Variants in MINDY4 observed in about 807,000 individuals in gnomAD.
The protein encoded by MINDY4 is probable ubiquitin carboxyl-terminal hydrolase MINDY-4.
Under a neutral mutation model 87.0 loss-of-function variants are expected in MINDY4, and 68 were observed. The observed-to-expected ratio is 0.78, with a 90% CI of 0.64 to 0.96. The LOEUF (loss-of-function observed/expected upper bound fraction) is 0.96, where lower values mean the gene tolerates loss of function less well. Among genes scored for constraint, MINDY4 ranks in the 40% least tolerant of loss-of-function variants. The probability of loss-of-function intolerance (pLI) is 0.00; values close to 1 mark genes in which losing one functional copy is unlikely to be tolerated. For missense variants in MINDY4, 919 were observed against 928.2 expected, an observed-to-expected ratio of 0.99 and a Z score of 0.13; for synonymous variants, 379 against 363.2, an observed-to-expected ratio of 1.04 and a Z score of -0.50.
At chr7:30,810,153 C>T (rs150246045) in intron 5 of MINDY4, among the ~76,000 whole-genome samples, 104 of 113,878 alleles carry the variant, frequency 9.1e-4, no homozygotes, top group East Asian at 2.5e-3. Flanking sequence ...CCAGCCTGGG[C>T]GACAGAGCAA....
intron 5 of MINDY4, among the ~76,000 whole-genome samples, chr7:30,807,533 A>G (rs1235279249): frequency 6.6e-6 from 1 of 152,106 alleles, no homozygotes; most frequent in Admixed American, 6.5e-5. Flanking sequence ...GGTCTAAGGG[A>G]GGAGACCACC....
At chr7:30,796,103 G>C (rs1489375937) in intron 5 of MINDY4, among the ~76,000 whole-genome samples, 1 of 145,818 alleles carries the variant, frequency 6.9e-6, no homozygotes, top group Admixed American at 6.8e-5. Flanking sequence ...GAGGGCAGCT[G>C]TTTGTTGGAG....
At chr7:30,784,568 G>A (rs562321666) in intron 3 of MINDY4, among the ~76,000 whole-genome samples, 6 of 152,318 alleles carry the variant, frequency 3.9e-5, no homozygotes, top group East Asian at 1.9e-4. Context: ...GGCTTCAGAC[G>A]TTCCCTGCAG....
At position 30,834,757 on chromosome 7, in the gene MINDY4, A is replaced by G. The variant is rs1000333595; in HGVS notation, c.1133-1901A>G. 3.9e-5 allele frequency among the ~76,000 whole-genome samples: 6 copies of G among 152,314 alleles called. No individual in the cohort carries two copies. In the East Asian group the frequency reaches 1.2e-3, roughly 29 times the overall value. ...TCGCCTCTTGAATGCTTTGCTGCTT[A>G]GAAATTTCTTCCACCAGATACCCTA... is the stretch of plus-strand genomic sequence containing the variant. On this transcript the variant is annotated intron_variant, in intron 6 of 17. Coordinates refer to ENST00000265299, the MANE Select transcript of MINDY4 (RefSeq NM_032222.3).
intron 15 of MINDY4, among the ~76,000 whole-genome samples, chr7:30,878,867 C>G (rs1156887043): frequency 6.6e-6 from 1 of 152,194 alleles, no homozygotes; most frequent in African/African-American, 2.4e-5. Flanking sequence ...TGTGCCTCCC[C>G]CTGAAGTTGT....
chr7:30,839,145 T>C (rs777902707), intron 7 of MINDY4, 55 bp from the exon 8 acceptor site: 1 of 1,194,844 alleles, frequency 8.4e-7, no homozygotes, highest in Non-Finnish European at 1.2e-6. Flanking sequence ...ACACTGAACA[T>C]CGTATTGTTG....
intron 6 of MINDY4, among the ~76,000 whole-genome samples, chr7:30,828,986 C>G (rs949731138): frequency 2.6e-5 from 4 of 152,200 alleles, no homozygotes; most frequent in African/African-American, 7.2e-5. Flanking sequence ...GCCAGAGAAG[C>G]TCTTTCTGCT....
intron 9 of MINDY4, among the ~76,000 whole-genome samples, chr7:30,845,918 T>C (rs1239651605): frequency 1.3e-5 from 2 of 152,164 alleles, no homozygotes; most frequent in African/African-American, 4.8e-5. Context: ...TACTTGGTGT[T>C]TTTCCACTTG....
intron 5 of MINDY4, among the ~76,000 whole-genome samples, chr7:30,818,750 T>A (rs1325839876): frequency 6.6e-6 from 1 of 152,212 alleles, no homozygotes; most frequent in East Asian, 1.9e-4. Context: ...TTTAAATTAA[T>A]GATTTAAGAA....
chr7:30,878,082 C>T (rs539907250), intron 15 of MINDY4, among the ~76,000 whole-genome samples: 3 of 152,100 alleles, frequency 2.0e-5, no homozygotes, highest in African/African-American at 4.8e-5. Context: ...CAAGGGGGTC[C>T]AGCACCCAAG....
intron 2 of MINDY4, chr7:30,781,775 A>G: frequency 3.6e-6 from 2 of 550,442 alleles, no homozygotes; most frequent in South Asian, 2.5e-5. Context: ...CTTTTAGGGT[A>G]GAGATTTTGT....
At chr7:30,841,855 A>T (rs769822348) in intron 9 of MINDY4, among the ~76,000 whole-genome samples, 5 of 152,230 alleles carry the variant, frequency 3.3e-5, no homozygotes, top group African/African-American at 2.4e-5. Context: ...CCATAGCTTA[A>T]TCTTGCCAGT....
chr7:30,834,517 T>C (rs1393701810), intron 6 of MINDY4, among the ~76,000 whole-genome samples: 1 of 152,244 alleles, frequency 6.6e-6, no homozygotes, highest in African/African-American at 2.4e-5. Flanking sequence ...GGGCGTGCCA[T>C]GAAGACCTCT....
chr7:30,860,265 T>A (rs761562753), intron 13 of MINDY4, among the ~76,000 whole-genome samples: 2 of 152,034 alleles, frequency 1.3e-5, no homozygotes, highest in Non-Finnish European at 2.9e-5. Flanking sequence ...TTGGGTCTGG[T>A]CGGCGCCCTC....
At chr7:30,838,854 C>G (rs949102879) in intron 7 of MINDY4, among the ~76,000 whole-genome samples, 2 of 152,106 alleles carry the variant, frequency 1.3e-5, no homozygotes, top group African/African-American at 4.8e-5. Flanking sequence ...TTTGAAAACC[C>G]CTAGTCTTGC....
At chr7:30,815,317 T>C (rs1040477645) in intron 5 of MINDY4, among the ~76,000 whole-genome samples, 2 of 152,204 alleles carry the variant, frequency 1.3e-5, no homozygotes, top group African/African-American at 4.8e-5. Flanking sequence ...TACACCATCC[T>C]TGGGAGGCAG....
chr7:30,781,056 G>A (rs12669230), intron 2 of MINDY4: 6,146 of 152,366 alleles, frequency 0.04, 249 homozygotes, highest in East Asian at 0.2. Context: ...GTAGGAAGGG[G>A]GAGGACTTGG....
chr7:30,849,464 C>T (rs950407397), intron 9 of MINDY4, among the ~76,000 whole-genome samples: 2 of 152,208 alleles, frequency 1.3e-5, no homozygotes, highest in African/African-American at 4.8e-5. Flanking sequence ...GTATATTCGG[C>T]TGTTTCCCTT....
chr7:30,887,316 C>G (rs1210313410), intron 17 of MINDY4, among the ~76,000 whole-genome samples: 1 of 152,240 alleles, frequency 6.6e-6, no homozygotes, highest in Non-Finnish European at 1.5e-5. Flanking sequence ...TGTGCTGGCT[C>G]TGCAGTCATC....
Sources: gnomAD v4.1 joint callset for allele counts (sites outside exome capture counted in the v4.1 genomes callset) on GRCh38, gnomAD v4.1.1 for gene constraint, MANE v1.5 for transcripts, NCBI Gene and HGNC (gene_info 2026-07-23, HGNC 2026-07-21) for gene names.